Variants in PARPBP observed in about 807,000 individuals in gnomAD.
PARPBP encodes PCNA-interacting partner.
PARPBP carries 52 observed loss-of-function variants against 50.0 expected under a neutral mutation model. That is an observed-to-expected ratio of 1.04 (90% CI 0.83 to 1.31). The LOEUF (loss-of-function observed/expected upper bound fraction) is 1.31. Ranked by LOEUF, PARPBP falls within the 50% of genes most tolerant of loss-of-function variation. The pLI is 0.00. For missense variants in PARPBP, 697 were observed against 672.0 expected, an observed-to-expected ratio of 1.04 and a Z score of -0.41; for synonymous variants, 244 against 232.1, an observed-to-expected ratio of 1.05 and a Z score of -0.47.
chr12:102,152,453 A>G (rs1284653769), intron 3 of PARPBP, among the ~76,000 whole-genome samples: 1 of 152,204 alleles, frequency 6.6e-6, no homozygotes, highest in Non-Finnish European at 1.5e-5. Flanking sequence ...AGTTGCAGTT[A>G]CTGGGTTACT....
At position 102,153,962 on chromosome 12, in the gene PARPBP, C is replaced by T. The variant is rs554682754; in HGVS notation, c.481C>T (p.Arg161Cys). The T allele has an allele frequency of 1.5e-5, 23 of 1,568,308 alleles. No individual in the cohort carries two copies. The highest frequency in any genetic ancestry group is 1.2e-4 in the Admixed American group (7 of 59,944). ...IPTSPTSKYN[R>C]DNEKVQLLAR... is the part of the protein sequence containing the mutation. ...AACATCACCAACAAGTAAATACAAC[C>T]GTGATAATGAAAAGGTACTGATAAA... The change falls in exon 4 of 11, where the codon CGT (arginine) becomes TGT (cysteine). Residue 161 changes from arginine (R) to cysteine (C), a missense_variant. Coordinates refer to ENST00000327680, the MANE Select transcript of PARPBP (RefSeq NM_017915.5).
At chr12:102,176,328 A>C (rs1221923970) in intron 7 of PARPBP, among the ~76,000 whole-genome samples, 1 of 152,216 alleles carries the variant, frequency 6.6e-6, no homozygotes, top group Non-Finnish European at 1.5e-5. Context: ...CAGATATAAA[A>C]TAAAAGCCTG....
At chr12:102,153,530 CAG>C (rs1443730990) in intron 3 of PARPBP, among the ~76,000 whole-genome samples, 1 of 152,156 alleles carries the variant, frequency 6.6e-6, no homozygotes, top group African/African-American at 2.4e-5. Context: ...TTCGCAGAGA[CAG>C]AGTTTCGTTG....
intron 9 of PARPBP, among the ~76,000 whole-genome samples, chr12:102,188,290 A>T (rs573914541): frequency 6.6e-6 from 1 of 150,718 alleles, no homozygotes; most frequent in Admixed American, 6.6e-5. Context: ...GATATTTGCC[A>T]TATTTGGAAA....
Position 102,195,402 on chromosome 12 carries a change from G to A in PARPBP, c.1354G>A (p.Ala452Thr), listed in dbSNP as rs1891203471. 6.3e-7 allele frequency: 1 copy of A among 1,594,372 alleles called. No individual in the cohort carries two copies. Among genetic ancestry groups the A allele is most frequent in the Non-Finnish European group, 8.6e-7 (1 of 1,167,342 alleles). The change falls in exon 10 of 11, where the codon GCA becomes ACA. Residue 452 changes from alanine to threonine, a missense_variant. Ala to Thr is a moderately conservative substitution (Grantham distance 58, BLOSUM62 0). Transcript: ENST00000327680. ...SKDNWNNVNL[A>T]SKPLCVLYME... is the part of the protein sequence containing the mutation. ...GGATAATTGGAATAATGTTAATTTA[G>A]CATCAAAGCCTTTGTGTGTTCTTTA...
At chr12:102,157,373 T>C (rs1887067706) in intron 4 of PARPBP, among the ~76,000 whole-genome samples, 1 of 152,074 alleles carries the variant, frequency 6.6e-6, no homozygotes, top group South Asian at 2.1e-4. Context: ...CTAACTTCCA[T>C]ATTTAAATTT....
chr12:102,170,747 C>G (rs1565890807), intron 6 of PARPBP, among the ~76,000 whole-genome samples: 1 of 152,108 alleles, frequency 6.6e-6, no homozygotes, highest in African/African-American at 2.4e-5. Context: ...CTTGCTCTAA[C>G]TTTATGAACT....
chr12:102,134,238 CAAA>C (rs771158918), intron 2 of PARPBP, among the ~76,000 whole-genome samples: 4 of 91,358 alleles, frequency 4.4e-5, no homozygotes, highest in African/African-American at 1.2e-4. Flanking sequence ...AGAGAAGCCT[CAAA>C]AAAAAAAAAA....
rs114954362 is a variant in PARPBP, at chr12:102,190,162, C to T, written c.1264-5150C>T. 2.4e-3 allele frequency among the ~76,000 whole-genome samples: 364 copies of T among 152,214 alleles called. 1 individual carries two copies. The highest frequency in any genetic ancestry group is 8.6e-3 in the African/African-American group (359 of 41,528). On this transcript the variant is annotated intron_variant, in intron 9 of 10. Transcript: ENST00000327680. ...TATTTTGATACAAGCATACAATTAT[C>T]GTGTGGTTACCTTATAGAGTCTGTT...
At position 102,191,299 on chromosome 12, in the gene PARPBP, G is replaced by T. The variant is rs115128827; in HGVS notation, c.1264-4013G>T. 7.0e-3 allele frequency among the ~76,000 whole-genome samples: 1,070 copies of T among 152,214 alleles called. 15 individuals carry two copies. The highest frequency in any genetic ancestry group is 0.025 in the African/African-American group (1,025 of 41,550). On this transcript the variant is annotated intron_variant, in intron 9 of 10. Coordinates refer to ENST00000327680, the MANE Select transcript of PARPBP (RefSeq NM_017915.5). ...ATAATGCTACTACTTAGGTCAAAAA[G>T]ATTTTTTTCTGCTATTAAGCAGAGT...
intron 2 of PARPBP, among the ~76,000 whole-genome samples, chr12:102,131,635 T>A (rs955948260): frequency 2.6e-5 from 4 of 152,134 alleles, no homozygotes; most frequent in Non-Finnish European, 5.9e-5. Context: ...GTGGTACATA[T>A]ACATCATGGA....
chr12:102,129,830 T>A (rs1479838414), intron 2 of PARPBP, among the ~76,000 whole-genome samples: 1 of 152,184 alleles, frequency 6.6e-6, no homozygotes, highest in East Asian at 1.9e-4. Context: ...AAGCAATTTA[T>A]ATATTTAATG....
At chr12:102,124,443 G>T (rs937167961) in intron 2 of PARPBP, among the ~76,000 whole-genome samples, 19 of 152,136 alleles carry the variant, frequency 1.2e-4, no homozygotes, top group African/African-American at 4.6e-4. Context: ...ACTGGAAACT[G>T]CCTTTAAAAA....
At chr12:102,130,737 C>T (rs981214508) in intron 2 of PARPBP, among the ~76,000 whole-genome samples, 1 of 151,728 alleles carries the variant, frequency 6.6e-6, no homozygotes, top group Non-Finnish European at 1.5e-5. Context: ...CGCCTGTAAT[C>T]CCAGCTACTC....
chr12:102,131,395 T>G (rs1335584069), intron 2 of PARPBP, among the ~76,000 whole-genome samples: 1 of 151,722 alleles, frequency 6.6e-6, no homozygotes, highest in African/African-American at 2.4e-5. Context: ...GTTGGGGGAG[T>G]GTAAATTAGT....
chr12:102,136,036 T>G (rs1883581366), intron 2 of PARPBP, among the ~76,000 whole-genome samples: 2 of 152,224 alleles, frequency 1.3e-5, no homozygotes, highest in East Asian at 3.8e-4. Context: ...ATCATTTTTT[T>G]TTGAGATGGA....
intron 10 of PARPBP, among the ~76,000 whole-genome samples, chr12:102,195,673 A>C (rs1323063975): frequency 1.3e-5 from 2 of 151,786 alleles, no homozygotes; most frequent in Non-Finnish European, 3.0e-5. Context: ...AATTTGTAGC[A>C]TATGTTTAAG....
intron 9 of PARPBP, among the ~76,000 whole-genome samples, chr12:102,185,719 C>T (rs1389657942): frequency 1.3e-5 from 2 of 151,978 alleles, no homozygotes; most frequent in Non-Finnish European, 2.9e-5. Flanking sequence ...AGTACAGTGG[C>T]GTGATCTCGG....
intron 6 of PARPBP, among the ~76,000 whole-genome samples, chr12:102,171,806 T>C (rs1565891943): frequency 6.6e-6 from 1 of 151,860 alleles, no homozygotes; most frequent in Non-Finnish European, 1.5e-5. Flanking sequence ...GAGGCGGAGC[T>C]TGCAGTGAGC....
Sources: gnomAD v4.1 joint callset for allele counts (sites outside exome capture counted in the v4.1 genomes callset) on GRCh38, gnomAD v4.1.1 for gene constraint, MANE v1.5 for transcripts, NCBI Gene and HGNC (gene_info 2026-07-23, HGNC 2026-07-21) for gene names.